The following ADGRG2 variants were observed in gnomAD, a reference collection of about 807,000 sequenced individuals.
The protein encoded by ADGRG2 is adhesion G protein-coupled receptor G2, also known as G protein-coupled receptor 64.
A neutral mutation model predicts 74.1 loss-of-function variants in ADGRG2; 26 were observed. The observed-to-expected ratio is 0.35, with a 90% CI of 0.26 to 0.49. The LOEUF (loss-of-function observed/expected upper bound fraction) is 0.49. ADGRG2 is among the 20% of genes least tolerant of loss of function. The pLI is 0.99. For synonymous variants in ADGRG2, 296 were observed against 295.2 expected, an observed-to-expected ratio of 1.00 and a Z score of -0.03; for missense variants, 619 against 763.1, an observed-to-expected ratio of 0.81 and a Z score of 2.22.
intron 9 of ADGRG2, among the ~76,000 whole-genome samples, chrX:19,030,557 G>A (rs1288805405): frequency 8.9e-6 from 1 of 111,969 alleles, no homozygotes; most frequent in East Asian, 2.8e-4. Flanking sequence ...AGGCTGATCC[G>A]CTTTATTCTT....
At chrX:19,113,807 G>A (rs1478372691) in intron 1 of ADGRG2, among the ~76,000 whole-genome samples, 3 of 111,917 alleles carry the variant, frequency 2.7e-5, no homozygotes, top group Middle Eastern at 4.7e-3. Context: ...GGTGGCTCAC[G>A]CCTGTAATCC....
At chrX:19,064,255 G>A (rs769466193) in intron 3 of ADGRG2, among the ~76,000 whole-genome samples, 151 of 112,289 alleles carry the variant, frequency 1.3e-3, no homozygotes, top group Non-Finnish European at 1.5e-3. Context: ...GCTATAGGTG[G>A]CTTAGCATCG....
chrX:19,084,193 A>T (rs2061900644), intron 1 of ADGRG2, among the ~76,000 whole-genome samples: 1 of 110,776 alleles, frequency 9.0e-6, no homozygotes. Context: ...TCAGCAAACT[A>T]ATGCAGGAAC....
At chrX:19,079,945 T>C (rs1332190938) in intron 2 of ADGRG2, among the ~76,000 whole-genome samples, 3 of 106,844 alleles carry the variant, frequency 2.8e-5, no homozygotes, top group African/African-American at 1.0e-4. Context: ...AGTTTTGCTC[T>C]TGTCACCCAG....
At chrX:19,027,156 G>A in intron 11 of ADGRG2, 63 bp downstream of exon 11, 1 of 775,457 alleles carries the variant, frequency 1.3e-6, no homozygotes. Flanking sequence ...TGCAAACATG[G>A]CTCAAAAAGT....
intron 1 of ADGRG2, among the ~76,000 whole-genome samples, chrX:19,085,350 A>C (rs1388427245): frequency 8.9e-6 from 1 of 111,745 alleles, no homozygotes; most frequent in Non-Finnish European, 1.9e-5. Flanking sequence ...TTAATTAGAA[A>C]TGGGGTCTTG....
At chrX:19,081,653 GTTAT>G (rs983536837) in intron 2 of ADGRG2, among the ~76,000 whole-genome samples, 7 of 111,982 alleles carry the variant, frequency 6.3e-5, no homozygotes, top group African/African-American at 2.3e-4. Context: ...ATAACAATGT[GTTAT>G]TTATCATGTA....
At chrX:19,068,573 A>C (rs2061602442) in intron 3 of ADGRG2, 144 bp downstream of exon 3, 1 of 349,838 alleles carries the variant, frequency 2.9e-6, no homozygotes, top group Admixed American at 5.3e-5. Flanking sequence ...AATGTACTTA[A>C]TGCCAATGAA....
intron 1 of ADGRG2, among the ~76,000 whole-genome samples, chrX:19,089,092 A>T (rs1220026511): frequency 8.9e-6 from 1 of 112,378 alleles, no homozygotes. Flanking sequence ...TTACATTATT[A>T]TCTAGCCCTA....
At chrX:19,043,749 C>T (rs981770579) in intron 3 of ADGRG2, among the ~76,000 whole-genome samples, 6 of 87,418 alleles carry the variant, frequency 6.9e-5, no homozygotes, top group African/African-American at 1.9e-4. Context: ...TTCCCTACAT[C>T]CCCTCCCAGG....
chrX:19,028,940 A>G (rs1441536128), intron 9 of ADGRG2, among the ~76,000 whole-genome samples: 1 of 112,203 alleles, frequency 8.9e-6, no homozygotes, highest in East Asian at 2.8e-4. Context: ...CCATTGTAGC[A>G]TGAAAGCAGC....
At chrX:19,008,202 C>A (rs2060276621) in intron 18 of ADGRG2, 79 bp from the exon 19 acceptor site, 5 of 710,533 alleles carry the variant, frequency 7.0e-6, no homozygotes, top group Admixed American at 7.3e-5. Context: ...TAAGTTGGTG[C>A]AAAAGTAATT....
At position 19,031,513 on chromosome X, in the gene ADGRG2, C is replaced by T. The variant is rs145222016; in HGVS notation, c.305-476G>A. ...CATAATATTGTTTCATGGGCAAAAACTACAAAATTCAAAACATATTTGCTG... is the reference window on the plus strand; with the variant it reads ...CATAATATTGTTTCATGGGCAAAAATTACAAAATTCAAAACATATTTGCTG... On this transcript the variant is annotated intron_variant, in intron 8 of 28. Transcript: ENST00000379869. The T allele has an allele frequency of 6.7e-3, 761 of 113,978 alleles. 9 individuals carry two copies. The highest frequency in any genetic ancestry group is 0.023 in the African/African-American group (723 of 31,098). The allele number at this position is 113,978 out of a possible 1,213,427, so 9.4% of individuals were successfully genotyped here.
chrX:19,101,562 C>T (rs184490259), intron 1 of ADGRG2, among the ~76,000 whole-genome samples: 11 of 109,498 alleles, frequency 1.0e-4, no homozygotes, highest in African/African-American at 3.3e-4. Flanking sequence ...TTAGCCGACC[C>T]TAGTGGTGTG....
chrX:19,050,528 G>A (rs2146816093), intron 3 of ADGRG2, among the ~76,000 whole-genome samples: 1 of 111,761 alleles, frequency 8.9e-6, no homozygotes, highest in East Asian at 2.8e-4. Context: ...TACACACTTA[G>A]ATGGACACAA....
chrX:19,005,544 A>G (rs1244059886), intron 22 of ADGRG2, among the ~76,000 whole-genome samples: 1 of 105,509 alleles, frequency 9.5e-6, no homozygotes, highest in Non-Finnish European at 1.9e-5. Flanking sequence ...TAGAAGAGGA[A>G]TCTCTCTCTC....
At chrX:19,011,921 T>C (rs1218845145) in intron 16 of ADGRG2, among the ~76,000 whole-genome samples, 1 of 112,299 alleles carries the variant, frequency 8.9e-6, no homozygotes, top group African/African-American at 3.2e-5. Context: ...GAAACAATGA[T>C]ACAAACCTGT....
intron 9 of ADGRG2, among the ~76,000 whole-genome samples, chrX:19,028,972 C>T (rs1386886318): frequency 8.9e-6 from 1 of 112,122 alleles, no homozygotes; most frequent in Non-Finnish European, 1.9e-5. Context: ...CGTAAATGAA[C>T]AGGCATGGGC....
intron 26 of ADGRG2, 57 bp downstream of exon 26, chrX:18,998,939 T>G: frequency 1.0e-6 from 1 of 981,376 alleles, no homozygotes; most frequent in African/African-American, 1.9e-5. Context: ...TTTTAGTAGC[T>G]ACATTTTTAT....
Sources: allele counts gnomAD v4.1 joint callset (sites outside exome capture counted in the v4.1 genomes callset), GRCh38; gene constraint gnomAD v4.1.1; transcripts MANE v1.5; gene names NCBI Gene and HGNC (gene_info 2026-07-23, HGNC 2026-07-21).